ZHX3: variants seen among roughly 807,000 people sequenced by gnomAD.
ZHX3 encodes zinc fingers and homeoboxes 3, also known as zinc fingers and homeoboxes protein 3.
Under a neutral mutation model 64.5 loss-of-function variants are expected in ZHX3, and 20 were observed. That is an observed-to-expected ratio of 0.31 (90% CI 0.22 to 0.45). The LOEUF (loss-of-function observed/expected upper bound fraction) is 0.45, where lower values mean the gene tolerates loss of function less well. Ranked by LOEUF, ZHX3 falls within the 20% of genes least tolerant of loss-of-function variation. The pLI, the probability that ZHX3 is intolerant of heterozygous loss-of-function variation, is 1.00. For synonymous variants in ZHX3, 423 were observed against 461.6 expected (o/e 0.92, Z 1.07); for missense variants, 1,041 against 1,195.8 (o/e 0.87, Z 1.91).
intron 2 of ZHX3, among the ~76,000 whole-genome samples, chr20:41,206,591 T>C (rs534645233): frequency 6.6e-6 from 1 of 151,546 alleles, no homozygotes; most frequent in South Asian, 2.1e-4. Context: ...AAGCGAGAAG[T>C]TTAGAGAGAA....
intron 1 of ZHX3, among the ~76,000 whole-genome samples, chr20:41,270,912 C>T (rs1395137738): frequency 6.6e-5 from 10 of 152,132 alleles, no homozygotes; most frequent in Non-Finnish European, 1.2e-4. Context: ...CTCATCTTTG[C>T]TTATTTTTTG....
chr20:41,213,343 T>C (rs773120610), intron 2 of ZHX3, among the ~76,000 whole-genome samples: 1 of 152,132 alleles, frequency 6.6e-6, no homozygotes, highest in Non-Finnish European at 1.5e-5. Context: ...TAGAGGACAG[T>C]AAATTATAGC....
At chr20:41,235,986 C>T (rs2040956624) in intron 2 of ZHX3, among the ~76,000 whole-genome samples, 1 of 152,148 alleles carries the variant, frequency 6.6e-6, no homozygotes, top group South Asian at 2.1e-4. Context: ...AACAGACAAA[C>T]AGAGAGCCAA....
intron 1 of ZHX3, among the ~76,000 whole-genome samples, chr20:41,294,144 G>A (rs2044385018): frequency 6.6e-6 from 1 of 152,166 alleles, no homozygotes; most frequent in South Asian, 2.1e-4. Context: ...TAGCTCAGGG[G>A]ACTAACAGGC....
chr20:41,218,032 T>C (rs1351941707), intron 2 of ZHX3, among the ~76,000 whole-genome samples: 3 of 152,202 alleles, frequency 2.0e-5, no homozygotes, highest in African/African-American at 7.2e-5. Flanking sequence ...TCCTAGCTAC[T>C]TGGGAGGCTG....
Position 41,188,004 on chromosome 20 carries a change from TA to T in ZHX3, c.2861-2804del, listed in dbSNP as rs2036670343. ...GTCACACTAGTCTGCTATTTAACAT[TA>T]GACTTTGTTTCTTCTATCTACTATA... On this transcript the variant is annotated intron_variant, in intron 3 of 3. Transcript: ENST00000683867. Among the ~76,000 whole-genome samples the T allele has an allele frequency of 1.3e-5, 2 of 152,210 alleles. 1 individual carries two copies. Among genetic ancestry groups the T allele is most frequent in the South Asian group, 4.1e-4 (2 of 4,826 alleles).
intron 1 of ZHX3, among the ~76,000 whole-genome samples, chr20:41,306,607 T>C (rs1225703980): frequency 9.9e-5 from 15 of 152,236 alleles, no homozygotes. Flanking sequence ...ACATAATAAG[T>C]ATGTTATTTG....
chr20:41,281,131 G>C (rs561022957), intron 1 of ZHX3, among the ~76,000 whole-genome samples: 1 of 152,280 alleles, frequency 6.6e-6, no homozygotes, highest in South Asian at 2.1e-4. Context: ...AATTGTATTT[G>C]CACCAGACTT....
At chr20:41,239,463 A>C (rs2041240988) in intron 2 of ZHX3, 1 of 152,620 alleles carries the variant, frequency 6.6e-6, no homozygotes, top group African/African-American at 2.4e-5. Flanking sequence ...GTCTATCAGA[A>C]GACTGAAGAG....
At chr20:41,214,403 G>A (rs967523303) in intron 2 of ZHX3, among the ~76,000 whole-genome samples, 3 of 152,232 alleles carry the variant, frequency 2.0e-5, no homozygotes, top group African/African-American at 7.2e-5. Context: ...GGAGACGACA[G>A]AAGCTGAATA....
At chr20:41,217,395 T>C (rs745501116) in intron 2 of ZHX3, among the ~76,000 whole-genome samples, 33 of 152,062 alleles carry the variant, frequency 2.2e-4, no homozygotes, top group Admixed American at 5.2e-4. Flanking sequence ...TTATGTACAT[T>C]TGACATTTTC....
chr20:41,295,799 C>T (rs1257276427), intron 1 of ZHX3, among the ~76,000 whole-genome samples: 3 of 150,822 alleles, frequency 2.0e-5, no homozygotes, highest in South Asian at 2.1e-4. Flanking sequence ...TGCAGTGAGC[C>T]GAGATTGCGC....
chr20:41,193,434 T>A (rs1223221223), intron 3 of ZHX3, among the ~76,000 whole-genome samples: 8 of 152,194 alleles, frequency 5.3e-5, no homozygotes, highest in Admixed American at 5.2e-4. Flanking sequence ...ATACCATTTT[T>A]AAAATTTTCT....
At chr20:41,281,776 C>T (rs1333896084) in intron 1 of ZHX3, among the ~76,000 whole-genome samples, 1 of 152,196 alleles carries the variant, frequency 6.6e-6, no homozygotes, top group Non-Finnish European at 1.5e-5. Context: ...GGTGTTTAAA[C>T]ATTTTATCCT....
intron 1 of ZHX3, among the ~76,000 whole-genome samples, chr20:41,313,786 C>T (rs1424069525): frequency 3.3e-5 from 5 of 151,984 alleles, no homozygotes; most frequent in South Asian, 4.1e-4. Flanking sequence ...TTAGTAGAGA[C>T]GGGGTTTCAC....
chr20:41,205,410 G>A (rs1249916168), intron 2 of ZHX3, among the ~76,000 whole-genome samples: 1 of 152,218 alleles, frequency 6.6e-6, no homozygotes, highest in African/African-American at 2.4e-5. Flanking sequence ...ATGTCAGAGT[G>A]AGAACAAAAG....
At chr20:41,194,628 TGAG>T (rs1474878011) in intron 3 of ZHX3, among the ~76,000 whole-genome samples, 1 of 152,194 alleles carries the variant, frequency 6.6e-6, no homozygotes, top group Non-Finnish European at 1.5e-5. Context: ...TGGAGGAGTT[TGAG>T]GAGAACTGGT....
chr20:41,308,981 A>T (rs1207754090), intron 1 of ZHX3, among the ~76,000 whole-genome samples: 1 of 152,120 alleles, frequency 6.6e-6, no homozygotes, highest in East Asian at 1.9e-4. Flanking sequence ...AACAAACTAA[A>T]CCCTAATTCG....
At chr20:41,309,121 G>A (rs544333214) in intron 1 of ZHX3, among the ~76,000 whole-genome samples, 169 of 152,102 alleles carry the variant, frequency 1.1e-3, no homozygotes, top group African/African-American at 4.0e-3. Flanking sequence ...ATTTTATAGA[G>A]CATTTCTGTT....
Sources: gnomAD v4.1 joint callset for allele counts (sites outside exome capture counted in the v4.1 genomes callset) on GRCh38, gnomAD v4.1.1 for gene constraint, MANE v1.5 for transcripts, NCBI Gene and HGNC (gene_info 2026-07-23, HGNC 2026-07-21) for gene names.